Variants in ABCG2 observed in about 807,000 individuals in gnomAD.
ABCG2 encodes ATP binding cassette subfamily G member 2 (JR blood group).
A neutral mutation model predicts 73.5 loss-of-function variants in ABCG2; 80 were observed. That is an observed-to-expected ratio of 1.09 (90% CI 0.91 to 1.31). The LOEUF (loss-of-function observed/expected upper bound fraction) is 1.31. Among genes scored for constraint, ABCG2 ranks in the 50% most tolerant of loss-of-function variants. The probability of loss-of-function intolerance (pLI) is 0.00; values close to 1 mark genes in which losing one functional copy is unlikely to be tolerated. For missense variants in ABCG2, 796 were observed against 786.2 expected (o/e 1.01, Z -0.15); for synonymous variants, 269 against 282.4 (o/e 0.95, Z 0.48).
upstream of ABCG2, among the ~76,000 whole-genome samples, chr4:88,162,881 C>T (rs890349146): frequency 6.6e-6 from 1 of 152,126 alleles, no homozygotes; most frequent in Admixed American, 6.5e-5. Flanking sequence ...TTTTATTTTA[C>T]CAGGCAAGAG....
intron 1 of ABCG2, among the ~76,000 whole-genome samples, chr4:88,205,117 A>C (rs1729327336): frequency 6.6e-6 from 1 of 152,170 alleles, no homozygotes; most frequent in Non-Finnish European, 1.5e-5. Context: ...ACGTCTACCA[A>C]CAGGGGCACA....
intron 1 of ABCG2, among the ~76,000 whole-genome samples, chr4:88,211,358 G>GC (rs1264405228): frequency 0.31 from 10,214 of 32,980 alleles, 1,972 homozygotes; most frequent in Non-Finnish European, 0.35. Flanking sequence ...TTCAACCCCT[G>GC]CCCCACCCCC....
At chr4:88,228,863 TAAATGCACCAATCAGCACTCTGTA>T (rs1305904330) in intron 1 of ABCG2, among the ~76,000 whole-genome samples, 1 of 83,468 alleles carries the variant, frequency 1.2e-5, no homozygotes, top group Non-Finnish European at 2.7e-5. Flanking sequence ...TAAAGGATTG[TAAATGCACCAATCAGCACTCTGTA>T]AAATGCACCA....
At chr4:88,184,040 G>T (rs1728357470) in intron 1 of ABCG2, among the ~76,000 whole-genome samples, 1 of 151,854 alleles carries the variant, frequency 6.6e-6, no homozygotes, top group Non-Finnish European at 1.5e-5. Flanking sequence ...CAAAAAACTG[G>T]GTATAGAAAG....
chr4:88,199,873 T>C lies in ABCG2; in HGVS notation c.-20+31121A>G, dbSNP rs118148100. On this transcript the variant is annotated intron_variant, in intron 1 of 15. Transcript: ENST00000515655. ...AAGATTAGCCGGGCGTGGTCGTGGG[T>C]GCCTGTGGTCCCAACTACTCCGGGA... 1.9e-3 allele frequency among the ~76,000 whole-genome samples: 283 copies of C among 151,814 alleles called. 7 individuals are homozygous for C. The East Asian group carries it at 0.047, about 25-fold the overall frequency.
At chr4:88,200,157 T>G (rs954789486) in intron 1 of ABCG2, among the ~76,000 whole-genome samples, 2 of 151,962 alleles carry the variant, frequency 1.3e-5, no homozygotes, top group Non-Finnish European at 2.9e-5. Context: ...AAACCCCATC[T>G]CTACTAAAAA....
At chr4:88,166,644 G>A (rs1449961941) in intron 1 of ABCG2, among the ~76,000 whole-genome samples, 1 of 152,190 alleles carries the variant, frequency 6.6e-6, no homozygotes, top group Non-Finnish European at 1.5e-5. Context: ...GTAAACAGTG[G>A]TTTGAAAGCT....
At chr4:88,181,984 C>T (rs1224840057) in intron 1 of ABCG2, among the ~76,000 whole-genome samples, 6 of 151,556 alleles carry the variant, frequency 4.0e-5, no homozygotes, top group Admixed American at 2.6e-4. Context: ...GATATAGAGT[C>T]GTCAAATGGA....
chr4:88,092,786 T>C (rs1411775727), intron 15 of ABCG2, among the ~76,000 whole-genome samples: 4 of 152,192 alleles, frequency 2.6e-5, no homozygotes, highest in Admixed American at 6.5e-5. Flanking sequence ...TTATCCCTGA[T>C]AAAGAAAATA....
chr4:88,091,769 T>C lies in ABCG2; in HGVS notation c.*465A>G, dbSNP rs944376136. ...TTTTTTTACCCTATAAGACAGAATC[T>C]TTTTTCCAACATATTTTCAATTTTA... On this transcript the variant is annotated 3_prime_UTR_variant, in exon 16 of 16. Coordinates refer to ENST00000237612, the MANE Select transcript of ABCG2 (RefSeq NM_004827.3). 1.3e-5 allele frequency: 2 copies of C among 153,004 alleles called. No individual in the cohort carries two copies. The highest frequency in any genetic ancestry group is 4.8e-5 in the African/African-American group (2 of 41,452). 9.5% of individuals were successfully genotyped at this position (153,004 alleles called of 1,614,324 possible).
intron 2 of ABCG2, among the ~76,000 whole-genome samples, chr4:88,133,057 C>G (rs1209446966): frequency 6.6e-6 from 1 of 152,178 alleles, no homozygotes; most frequent in Non-Finnish European, 1.5e-5. Flanking sequence ...AAATGACATT[C>G]AACATTTAAC....
intron 1 of ABCG2, among the ~76,000 whole-genome samples, chr4:88,187,396 T>C (rs903896086): frequency 2.6e-5 from 4 of 152,038 alleles, no homozygotes; most frequent in African/African-American, 9.7e-5. Context: ...GCGGATCTCT[T>C]GAGGTCAGGA....
chr4:88,131,769 A>G, intron 4 of ABCG2, 34 bp downstream of exon 4: 1 of 1,506,352 alleles, frequency 6.6e-7, no homozygotes, highest in Non-Finnish European at 9.2e-7. Flanking sequence ...ATAGAAACAG[A>G]GGAAACAGAA....
chr4:88,189,522 T>C (rs1234795159), intron 1 of ABCG2, among the ~76,000 whole-genome samples: 1 of 113,350 alleles, frequency 8.8e-6, no homozygotes, highest in Non-Finnish European at 1.9e-5. Context: ...TCTAAAAATA[T>C]AAATAAATAA....
chr4:88,152,271 T>C (rs964211321), intron 1 of ABCG2, among the ~76,000 whole-genome samples: 1 of 152,202 alleles, frequency 6.6e-6, no homozygotes. Flanking sequence ...TGAATCCAAG[T>C]TGGCAAATAC....
At chr4:88,093,976 G>A (rs1034178412) in intron 15 of ABCG2, among the ~76,000 whole-genome samples, 4 of 151,970 alleles carry the variant, frequency 2.6e-5, no homozygotes, top group East Asian at 3.9e-4. Flanking sequence ...AGGATAAATC[G>A]ATTGATAGGG....
rs367942388 is a variant in ABCG2 at position 88,184,302 on chromosome 4, TG to T, written c.-19-44289del. On this transcript the variant is annotated intron_variant, in intron 1 of 15. Transcript: ENST00000515655. ...TTGGCAGATGATATGATCCCATATT[TG>T]GAAAAACTAAAGACTCCAGCAAAAA... Among the ~76,000 whole-genome samples, 120 of 152,260 alleles carry T rather than the reference TG, an allele frequency of 7.9e-4. 6 individuals are homozygous for T. The South Asian group carries it at 0.023, about 29-fold the overall frequency.
At chr4:88,131,980 T>C (rs1338022869) in intron 3 of ABCG2, 63 bp from the exon 4 acceptor site, 1 of 1,223,598 alleles carries the variant, frequency 8.2e-7, no homozygotes, top group Non-Finnish European at 1.2e-6. Context: ...TGTTGTGGGG[T>C]TTTTTTCCCT....
intron 1 of ABCG2, among the ~76,000 whole-genome samples, chr4:88,226,399 T>TGG (rs1343502069): frequency 9.9e-5 from 15 of 152,178 alleles, no homozygotes; most frequent in Admixed American, 3.3e-4. Flanking sequence ...TGACTAAACC[T>TGG]GGGGCAACAC....
Sources: gnomAD v4.1 joint callset for allele counts (sites outside exome capture counted in the v4.1 genomes callset) on GRCh38, gnomAD v4.1.1 for gene constraint, MANE v1.5 for transcripts, NCBI Gene and HGNC (gene_info 2026-07-23, HGNC 2026-07-21) for gene names.